Variants in EPHA2 observed in about 807,000 individuals in gnomAD.
EPHA2 encodes ephrin type-A receptor 2.
A neutral mutation model predicts 104.9 loss-of-function variants in EPHA2; 54 were observed. That is an observed-to-expected ratio of 0.51 (90% CI 0.41 to 0.65). The LOEUF is 0.65. Ranked by LOEUF, EPHA2 falls within the 30% of genes least tolerant of loss-of-function variation. EPHA2 has a pLI of 0.00. For missense variants in EPHA2, 1,117 were observed against 1,369.5 expected (o/e 0.82, Z 2.91); for synonymous variants, 560 against 559.1 (o/e 1.00, Z -0.02).
Position 16,131,142 on chromosome 1 carries a change from A to G in EPHA2, c.2475+579T>C, listed in dbSNP as rs925437701. Among the ~76,000 whole-genome samples the G allele has an allele frequency of 6.6e-6, 1 of 152,226 alleles. No individual in the cohort carries two copies. Among genetic ancestry groups the G allele is most frequent in the African/African-American group, 2.4e-5 (1 of 41,448 alleles). ...CACAGACACACACACACATGCATGC[A>G]TGCACATGTGCACACATACGGATGC... On this transcript the variant is annotated intron_variant, in intron 14 of 16. Coordinates refer to ENST00000358432, the MANE Select transcript of EPHA2 (RefSeq NM_004431.5). This position sits in a 1 kb window ranked among gnomAD's most constrained non-coding sequence, Gnocchi z 5.2.
chr1:16,154,769 A>C (rs1038835536), intron 1 of EPHA2, among the ~76,000 whole-genome samples: 5 of 150,208 alleles, frequency 3.3e-5, no homozygotes, highest in African/African-American at 1.2e-4. Flanking sequence ...AAAAAAAAAA[A>C]AAAAAAAAAA....
At chr1:16,151,286 CAGG>C (rs1350260958) in intron 1 of EPHA2, among the ~76,000 whole-genome samples, 2 of 152,170 alleles carry the variant, frequency 1.3e-5, no homozygotes, top group Admixed American at 1.3e-4. Flanking sequence ...CTCAGCCCGG[CAGG>C]AGAACAGCAG....
In EPHA2 at chr1:16,131,859, G is replaced by T. The variant is rs370300771; in HGVS notation, c.2337C>A (p.Ile779=). ...EATYTTSGGK[I]PIRWTAPEAI... ...CCTCCGGGGCGGTCCAGCGGATGGG[G>T]ATCTTGCCGCCCTGCAGGGAACCCA... The change falls in exon 14 of 17, where the codon ATC becomes ATA. Residue 779 remains isoleucine (I), a synonymous_variant. Coordinates refer to ENST00000358432, the MANE Select transcript of EPHA2 (RefSeq NM_004431.5). The surrounding 1 kb of genome is among the most constrained non-coding windows in gnomAD (Gnocchi z 5.2). The T allele has an allele frequency of 1.9e-6, 3 of 1,613,718 alleles. No individual in the cohort carries two copies. The highest frequency in any genetic ancestry group is 2.2e-5 in the East Asian group (1 of 44,900).
intron 8 of EPHA2, 52 bp from the exon 9 acceptor site, chr1:16,133,967 C>A: frequency 1.3e-6 from 2 of 1,539,214 alleles, no homozygotes; most frequent in Non-Finnish European, 1.8e-6. Context: ...GAGGTCTGCT[C>A]CGGCCAGGGA....
intron 3 of EPHA2, among the ~76,000 whole-genome samples, chr1:16,140,411 C>T (rs1048865142): frequency 4.6e-5 from 7 of 152,172 alleles, no homozygotes; most frequent in South Asian, 4.1e-4. Flanking sequence ...ACCTACTATG[C>T]GCAGGGCTCG....
chr1:16,131,806 G>A lies in EPHA2; in HGVS notation c.2390C>T (p.Ala797Val), dbSNP rs2124199185. 4.3e-6 allele frequency: 7 copies of A among 1,614,122 alleles called. No individual in the cohort carries two copies. The highest frequency in any genetic ancestry group is 5.9e-6 in the Non-Finnish European group (7 of 1,180,034). Residue 797 changes from alanine to valine, a missense_variant, in exon 14 of 17, where the codon GCC (alanine) becomes GTC (valine). Physicochemically the swap from Ala to Val is moderately conservative, Grantham distance 64 (BLOSUM62 0). This residue lies in a region of EPHA2 where 340 missense variants were observed against 480.5 expected (regional missense o/e 0.71). Transcript: ENST00000358432. The surrounding 1 kb of genome is among the most constrained non-coding windows in gnomAD (Gnocchi z 5.2). ...AATGCCAAAGCTCCACACGTCGCTG[G>A]CAGAGGTGAACTTCCGGTAGGAAAT... ...EAISYRKFTSASDVWSFGIVM... is the reference protein window; with the variant it reads ...EAISYRKFTSVSDVWSFGIVM...
At chr1:16,137,734 G>T in intron 5 of EPHA2, 119 bp downstream of exon 5, 2 of 1,238,356 alleles carry the variant, frequency 1.6e-6, no homozygotes, top group Non-Finnish European at 2.3e-6. Context: ...TAGACACTGT[G>T]CCTTTAACCA....
At position 16,130,850 on chromosome 1, in the gene EPHA2, G is replaced by A. The variant is rs1375009933; in HGVS notation, c.2476-431C>T. On this transcript the variant is annotated intron_variant, in intron 14 of 16. Coordinates refer to ENST00000358432, the MANE Select transcript of EPHA2 (RefSeq NM_004431.5). This position sits in a 1 kb window ranked among gnomAD's most constrained non-coding sequence, Gnocchi z 4.5. Reference sequence around the variant, plus strand: ...TCGTCATGTTGTCCAGGCTGGTCTCGAACTCCTGAGCTCAAGCGATACTCC... The same window carrying A: ...TCGTCATGTTGTCCAGGCTGGTCTCAAACTCCTGAGCTCAAGCGATACTCC... Among the ~76,000 whole-genome samples, 4 of 151,956 alleles carry A rather than the reference G, an allele frequency of 2.6e-5. No homozygotes were observed. Among genetic ancestry groups the A allele is most frequent in the East Asian group, 3.9e-4 (2 of 5,174 alleles).
Position 16,133,193 on chromosome 1 carries a change from G to C in EPHA2, c.2040C>G (p.Gly680=), listed in dbSNP as rs760844594. The C allele has an allele frequency of 8.7e-6, 14 of 1,613,320 alleles. No individual in the cohort carries two copies. Among genetic ancestry groups the C allele is most frequent in the Non-Finnish European group, 1.2e-5 (14 of 1,179,866 alleles). Residue 680 remains glycine (G), a synonymous_variant, in exon 11 of 17, where the codon GGC becomes GGG. Transcript: ENST00000358432. ...FSHHNIIRLE[G]VISKYKPMMI... is the part of the protein sequence containing the mutation. ...CCCAAGCCTCACATTTGGAGATGAC[G>C]CCCTCTAGGCGGATGATGTTGTGGT...
rs2024977525 is a variant in EPHA2 at position 16,148,581 on chromosome 1, C to T, written c.620G>A (p.Gly207Asp). The T allele has an allele frequency of 1.2e-6, 2 of 1,611,442 alleles. No homozygotes were observed. Among genetic ancestry groups the T allele is most frequent in the South Asian group, 1.1e-5 (1 of 91,088 alleles). The change falls in exon 3 of 17, where the codon GGC becomes GAC. Residue 207 changes from glycine (G) to aspartate (D), a missense_variant. By Grantham distance (94) the Gly-to-Asp change is moderately conservative (BLOSUM62 -1). Coordinates refer to ENST00000358432, the MANE Select transcript of EPHA2 (RefSeq NM_004431.5). This position sits in a 1 kb window ranked among gnomAD's most constrained non-coding sequence, Gnocchi z 4.9. ...YYKKCPELLQ[G>D]LAHFPETIAG... ...GATGGTCTCAGGGAAGTGGGCCAGG[C>T]CCTGCAGCAGCTCGGGGCACTTCTT... is the stretch of plus-strand genomic sequence containing the variant.
intron 1 of EPHA2, chr1:16,155,303 C>G (rs1345461414): frequency 1.3e-5 from 2 of 152,482 alleles, no homozygotes; most frequent in African/African-American, 4.8e-5. Context: ...TTGGCCCGAA[C>G]CTATCTCCAC....
chr1:16,147,947 C>T (rs569797306), intron 3 of EPHA2, among the ~76,000 whole-genome samples: 1 of 151,862 alleles, frequency 6.6e-6, no homozygotes, highest in Non-Finnish European at 1.5e-5. Context: ...TCTCAGCTTA[C>T]TGCATCCTCC....
Position 16,148,330 on chromosome 1 carries a change from C to T in EPHA2, c.823+48G>A. On this transcript the variant is annotated intron_variant, in intron 3 of 16. Coordinates refer to ENST00000358432, the MANE Select transcript of EPHA2 (RefSeq NM_004431.5). This position sits in a 1 kb window ranked among gnomAD's most constrained non-coding sequence, Gnocchi z 4.9. ...ATGATTCCAAAGCTAAAGACCAGAA[C>T]CTGGGAATGCAGAACCCCCTTCCCT... 6 of 1,593,572 alleles carry T rather than the reference C, an allele frequency of 3.8e-6. No homozygotes were observed. The highest frequency in any genetic ancestry group is 5.1e-6 in the Non-Finnish European group (6 of 1,172,744).
rs768602571 is a variant in EPHA2 at position 16,129,565 on chromosome 1, C to T, written c.2694G>A (p.Thr898=). The T allele has an allele frequency of 1.6e-5, 25 of 1,612,258 alleles. No individual in the cohort carries two copies. The highest frequency in any genetic ancestry group is 1.6e-4 in the Middle Eastern group (1 of 6,076). The change falls in exon 16 of 17, where the codon ACG becomes ACA. Residue 898 remains threonine, a synonymous_variant. Transcript: ENST00000358432. The stretch of plus-strand genomic sequence containing the variant: ...GGAAGGGCACCCCCTCCGAGCCGCT[C>T]GTGCTGGGGAGCCGGATAGACACGC... ...DPRVSIRLPS[T]SGSEGVPFRT...
chr1:16,135,568 G>A lies in EPHA2; in HGVS notation c.1428+87C>T. Reference sequence around the variant, plus strand: ...CTGCAGAAGGGTGCTTCTTCAGATGGCTGGGTGGTTTGGTGATCATCTATG... The same window carrying A: ...CTGCAGAAGGGTGCTTCTTCAGATGACTGGGTGGTTTGGTGATCATCTATG... On this transcript the variant is annotated intron_variant, in intron 6 of 16. Coordinates refer to ENST00000358432, the MANE Select transcript of EPHA2 (RefSeq NM_004431.5). The surrounding 1 kb of genome is among the most constrained non-coding windows in gnomAD (Gnocchi z 4.3). 2.3e-6 allele frequency: 3 copies of A among 1,298,980 alleles called. No individual in the cohort carries two copies. The highest frequency in any genetic ancestry group is 3.4e-6 in the Non-Finnish European group (3 of 894,882). 80.5% of individuals were successfully genotyped at this position (1,298,980 alleles called of 1,614,324 possible).
Position 16,134,961 on chromosome 1 carries a change from C to T in EPHA2, c.1582+75G>A, listed in dbSNP as rs2024652594. On this transcript the variant is annotated intron_variant, in intron 7 of 16. Coordinates refer to ENST00000358432, the MANE Select transcript of EPHA2 (RefSeq NM_004431.5). The surrounding 1 kb of genome is among the most constrained non-coding windows in gnomAD (Gnocchi z 4.5). ...GGGCATTTCTAAGTTATTTGATTCA[C>T]TTCCTTTCCCAAGATGTCTCAATTG... 1 of 1,591,096 alleles carries T rather than the reference C, an allele frequency of 6.3e-7. No homozygotes were observed. The highest frequency in any genetic ancestry group is 1.1e-5 in the South Asian group (1 of 90,274).
At position 16,138,438 on chromosome 1, in the gene EPHA2, A is replaced by G; in HGVS notation, c.824-8T>C. 2 of 1,613,448 alleles carry G rather than the reference A, an allele frequency of 1.2e-6. No individual in the cohort carries two copies. Among genetic ancestry groups the G allele is most frequent in the Non-Finnish European group, 1.7e-6 (2 of 1,180,006 alleles). On this transcript the variant is annotated splice_region_variant and splice_polypyrimidine_tract_variant and intron_variant, in intron 3 of 16. Coordinates refer to ENST00000358432, the MANE Select transcript of EPHA2 (RefSeq NM_004431.5). ...AAAATCCAGGCGAGCAGGCTGGTGG[A>G]CACAGGACAGACAGAGCACAAGGAC...
chr1:16,136,719 GA>G (rs2024707710), intron 5 of EPHA2, among the ~76,000 whole-genome samples: 1 of 117,034 alleles, frequency 8.5e-6, no homozygotes, highest in East Asian at 2.4e-4. Context: ...AAGAAAAGAA[GA>G]AGAAGAAGAA....
rs2025015696 is a variant in EPHA2 at position 16,150,632 on chromosome 1, C to G, written c.153+264G>C. On this transcript the variant is annotated intron_variant, in intron 2 of 16. Coordinates refer to ENST00000358432, the MANE Select transcript of EPHA2 (RefSeq NM_004431.5). The surrounding 1 kb of genome is among the most constrained non-coding windows in gnomAD (Gnocchi z 4.8). ...CTTCTGGAACATGGAAGGCCCAGCT[C>G]CGCTAGGGCCTTCTCTGTCTCCCCA... Among the ~76,000 whole-genome samples the G allele has an allele frequency of 1.3e-5, 2 of 152,210 alleles. No homozygotes were observed. The highest frequency in any genetic ancestry group is 3.9e-4 in the East Asian group (2 of 5,194).
Sources: allele counts gnomAD v4.1 joint callset (sites outside exome capture counted in the v4.1 genomes callset), GRCh38; gene constraint gnomAD v4.1.1; regional missense constraint gnomAD v4.1.1; non-coding constraint Gnocchi (gnomAD v3.1); transcripts MANE v1.5; gene names NCBI Gene and HGNC (gene_info 2026-07-23, HGNC 2026-07-21).